The following SLC5A1 variants were observed in gnomAD, a reference collection of about 807,000 sequenced individuals.
SLC5A1 encodes sodium/glucose cotransporter 1.
A neutral mutation model predicts 73.5 loss-of-function variants in SLC5A1; 42 were observed. That is an observed-to-expected ratio of 0.57 (90% CI 0.45 to 0.74). The LOEUF is 0.74. SLC5A1 is among the 30% of genes least tolerant of loss of function. The pLI is 0.00. For missense variants in SLC5A1, 634 were observed against 855.4 expected (o/e 0.74, Z 3.23); for synonymous variants, 300 against 317.4 (o/e 0.95, Z 0.58).
At chr22:32,049,716 A>G (rs1034183034) in intron 1 of SLC5A1, among the ~76,000 whole-genome samples, 2 of 152,070 alleles carry the variant, frequency 1.3e-5, no homozygotes, top group East Asian at 3.9e-4. Flanking sequence ...CACTAGCCCT[A>G]CAGTAAGCTG....
intron 2 of SLC5A1, among the ~76,000 whole-genome samples, chr22:32,057,789 T>G: frequency 6.6e-6 from 1 of 152,180 alleles, no homozygotes; most frequent in East Asian, 1.9e-4. Flanking sequence ...AGATGTCAAT[T>G]TTCTATTTCC....
chr22:32,058,689 T>C (rs1201043264), intron 2 of SLC5A1, among the ~76,000 whole-genome samples: 2 of 152,166 alleles, frequency 1.3e-5, no homozygotes, highest in African/African-American at 4.8e-5. Flanking sequence ...CAACACCAAG[T>C]ATTTAACATT....
chr22:32,090,111 A>C (rs940720876), intron 10 of SLC5A1, among the ~76,000 whole-genome samples: 81 of 152,048 alleles, frequency 5.3e-4, no homozygotes, highest in Middle Eastern at 3.4e-3. Context: ...AAAAAAAAAA[A>C]AAAAAACAAA....
At chr22:32,075,638 C>G (rs372680740) in intron 5 of SLC5A1, among the ~76,000 whole-genome samples, 2 of 151,972 alleles carry the variant, frequency 1.3e-5, no homozygotes, top group East Asian at 3.9e-4. Context: ...TGAAGAGAGC[C>G]AGTTAAATGA....
intron 5 of SLC5A1, among the ~76,000 whole-genome samples, chr22:32,076,406 A>C (rs936612758): frequency 2.6e-5 from 4 of 152,320 alleles, no homozygotes; most frequent in African/African-American, 9.6e-5. Flanking sequence ...ATCTTATGCA[A>C]ATGTGCACAA....
chr22:32,062,961 A>T (rs1367757063), intron 2 of SLC5A1, among the ~76,000 whole-genome samples: 1 of 152,208 alleles, frequency 6.6e-6, no homozygotes, highest in Non-Finnish European at 1.5e-5. Flanking sequence ...AGGTGCCTTC[A>T]GGGTTGGCTT....
intron 3 of SLC5A1, 99 bp from the exon 4 acceptor site, chr22:32,067,868 T>C: frequency 8.1e-7 from 1 of 1,233,952 alleles, no homozygotes; most frequent in Non-Finnish European, 1.2e-6. Context: ...GGGGAGAACA[T>C]GCTGGGTAAT....
intron 5 of SLC5A1, among the ~76,000 whole-genome samples, chr22:32,073,357 A>T (rs2093985690): frequency 6.6e-6 from 1 of 152,226 alleles, no homozygotes; most frequent in African/African-American, 2.4e-5. Context: ...TGGTGAAAAC[A>T]GGCTCTTGCC....
intron 2 of SLC5A1, among the ~76,000 whole-genome samples, chr22:32,066,110 CT>C (rs2093972581): frequency 6.6e-6 from 1 of 152,192 alleles, no homozygotes; most frequent in Non-Finnish European, 1.5e-5. Context: ...CCCTCTCTTG[CT>C]TTACCTGATA....
chr22:32,067,940 T>C (rs2093976634), intron 3 of SLC5A1, 27 bp from the exon 4 acceptor site: 1 of 1,613,688 alleles, frequency 6.2e-7, no homozygotes. Flanking sequence ...CCTCCTAATT[T>C]GAGTCCACCT....
At chr22:32,104,735 C>A in intron 13 of SLC5A1, 51 bp from the exon 14 acceptor site, 1 of 1,467,888 alleles carries the variant, frequency 6.8e-7, no homozygotes. Context: ...AACTTCTTGT[C>A]CCAAGATGCT....
chr22:32,103,967 C>T (rs1045676390), intron 13 of SLC5A1, among the ~76,000 whole-genome samples: 13 of 152,128 alleles, frequency 8.5e-5, no homozygotes, highest in Admixed American at 5.2e-4. Flanking sequence ...TCCAAGGGAA[C>T]AGAGCCAGAA....
chr22:32,082,668 G>T (rs562131057), intron 6 of SLC5A1, among the ~76,000 whole-genome samples: 2 of 152,308 alleles, frequency 1.3e-5, no homozygotes, highest in South Asian at 4.1e-4. Flanking sequence ...CTGCTTGACT[G>T]CAGCCCCACA....
chr22:32,073,569 T>C (rs2093986057), intron 5 of SLC5A1, among the ~76,000 whole-genome samples: 1 of 152,160 alleles, frequency 6.6e-6, no homozygotes, highest in Non-Finnish European at 1.5e-5. Context: ...TTTGTTTTGT[T>C]TTTTTAGATG....
intron 5 of SLC5A1, among the ~76,000 whole-genome samples, chr22:32,079,143 C>CA (rs920025095): frequency 1.7e-3 from 262 of 150,082 alleles, no homozygotes; most frequent in Non-Finnish European, 2.8e-3. Flanking sequence ...AACAAACAAA[C>CA]AAAAAAAAAC....
At chr22:32,103,025 G>A (rs141024451) in intron 13 of SLC5A1, among the ~76,000 whole-genome samples, 1 of 152,290 alleles carries the variant, frequency 6.6e-6, no homozygotes, top group African/African-American at 2.4e-5. Context: ...TAGTGCTGCA[G>A]TAAATATAGG....
chr22:32,083,481 T>TAA (rs1330016850), intron 7 of SLC5A1, among the ~76,000 whole-genome samples: 1 of 152,176 alleles, frequency 6.6e-6, no homozygotes, highest in Non-Finnish European at 1.5e-5. Context: ...AGGATAAGGC[T>TAA]AAATATCCAT....
chr22:32,107,454 A>G (rs1236635867), intron 14 of SLC5A1, among the ~76,000 whole-genome samples: 4 of 152,208 alleles, frequency 2.6e-5, no homozygotes, highest in Non-Finnish European at 5.9e-5. Context: ...ATCATCATCA[A>G]TTCTCTTCCT....
Position 32,091,611 on chromosome 22 carries a change from G to A in SLC5A1, c.1130-1G>A. 6.2e-7 allele frequency: 1 copy of A among 1,614,032 alleles called. No homozygotes were observed. On this transcript the variant is annotated splice_acceptor_variant, in intron 10 of 14. Transcript: ENST00000266088. LOFTEE classifies it high-confidence loss of function. ...GCCACTCAAAAATCCTTCTCTTCCA[G>A]GACTGCGAGGCCTGATGCTATCAGT...
Sources: allele counts gnomAD v4.1 joint callset (sites outside exome capture counted in the v4.1 genomes callset), GRCh38; gene constraint gnomAD v4.1.1; transcripts MANE v1.5; gene names NCBI Gene and HGNC (gene_info 2026-07-23, HGNC 2026-07-21).